The following COBL variants were observed in gnomAD, a reference collection of about 807,000 sequenced individuals.
COBL encodes the protein cordon-bleu WH2 repeat protein, also known as protein cordon-bleu.
Under a neutral mutation model 98.8 loss-of-function variants are expected in COBL, and 51 were observed. That is an observed-to-expected ratio of 0.52 (90% CI 0.41 to 0.65). COBL has a LOEUF of 0.65. Ranked by LOEUF, COBL falls within the 30% of genes least tolerant of loss-of-function variation. The pLI is 0.00. For synonymous variants in COBL, 634 were observed against 651.7 expected (o/e 0.97, Z 0.41); for missense variants, 1,617 against 1,617.5 (o/e 1.00, Z 0.01).
chr7:51,232,905 C>T (rs913214500), intron 1 of COBL, among the ~76,000 whole-genome samples: 4 of 152,142 alleles, frequency 2.6e-5, no homozygotes, highest in Non-Finnish European at 5.9e-5. Flanking sequence ...TGGCCATGAA[C>T]ATCCACATCA....
intron 6 of COBL, among the ~76,000 whole-genome samples, chr7:51,102,045 A>G (rs1795854115): frequency 6.6e-6 from 1 of 152,210 alleles, no homozygotes; most frequent in African/African-American, 2.4e-5. Flanking sequence ...CACAGCAAAA[A>G]AAGAGTTGTC....
At chr7:51,026,468 G>GCCA in intron 11 of COBL, 78 bp downstream of exon 11, 1 of 1,558,184 alleles carries the variant, frequency 6.4e-7, no homozygotes, top group East Asian at 2.3e-5. Context: ...AGCTTCTGCA[G>GCCA]CCACCACCCA....
chr7:51,139,436 A>C (rs1467793648), intron 5 of COBL, among the ~76,000 whole-genome samples: 1 of 152,180 alleles, frequency 6.6e-6, no homozygotes, highest in Non-Finnish European at 1.5e-5. Flanking sequence ...GCTCCTCATG[A>C]GGCCTTCATC....
At chr7:51,081,595 C>T (rs996028527) in intron 7 of COBL, among the ~76,000 whole-genome samples, 1 of 152,160 alleles carries the variant, frequency 6.6e-6, no homozygotes, top group Non-Finnish European at 1.5e-5. Context: ...TGAGTGCCCC[C>T]AACACACAGG....
At chr7:51,052,819 T>C (rs1449401735) in intron 7 of COBL, among the ~76,000 whole-genome samples, 1 of 152,224 alleles carries the variant, frequency 6.6e-6, no homozygotes, top group East Asian at 1.9e-4. Context: ...TTCTATCCTT[T>C]TATCATCAGA....
At chr7:51,280,571 G>T (rs1799732500) in intron 1 of COBL, among the ~76,000 whole-genome samples, 1 of 152,222 alleles carries the variant, frequency 6.6e-6, no homozygotes, top group African/African-American at 2.4e-5. Context: ...CAGGATATGT[G>T]CAGCAAAGCA....
intron 5 of COBL, among the ~76,000 whole-genome samples, chr7:51,151,682 A>T (rs552739255): frequency 6.6e-6 from 1 of 152,370 alleles, no homozygotes; most frequent in East Asian, 1.9e-4. Context: ...AAGCCCTGTA[A>T]TTTCCTGGTC....
At chr7:51,230,071 C>T (rs1267984174) in intron 1 of COBL, among the ~76,000 whole-genome samples, 4 of 152,110 alleles carry the variant, frequency 2.6e-5, no homozygotes, top group South Asian at 2.1e-4. Flanking sequence ...TGGTTGACCT[C>T]GCTCCCCCAG....
At chr7:51,057,457 G>A (rs1368054346) in intron 7 of COBL, among the ~76,000 whole-genome samples, 1 of 152,128 alleles carries the variant, frequency 6.6e-6, no homozygotes, top group Non-Finnish European at 1.5e-5. Context: ...AAATACAGTA[G>A]AGTAGTCAGC....
chr7:51,024,980 G>T, intron 12 of COBL, 129 bp downstream of exon 12: 3 of 1,240,030 alleles, frequency 2.4e-6, no homozygotes, highest in Non-Finnish European at 3.5e-6. Context: ...CAGTGACGCC[G>T]GCTCTCTCTC....
Position 51,085,185 on chromosome 7 carries a change from C to T in COBL, c.1077G>A (p.Glu359=), listed in dbSNP as rs1212808309. 6.2e-7 allele frequency: 1 copy of T among 1,614,002 alleles called. No homozygotes were observed. Residue 359 remains glutamate (E), a synonymous_variant, in exon 7 of 13, where the codon GAG becomes GAA. Transcript: ENST00000265136. ...ACTCACCCATCGTGCTCTTCCTGTT[C>T]TCCTCCTTATCCTCAGTGCGGTTGG... ...LIPNRTEDKE[E]NRKSTMVSLP... is the part of the protein sequence containing the mutation.
At chr7:51,033,058 A>G (rs1346191637) in intron 8 of COBL, 2 of 152,170 alleles carry the variant, frequency 1.3e-5, no homozygotes, top group African/African-American at 4.8e-5. Flanking sequence ...TAATGATATC[A>G]ATAAGAATTA....
intron 6 of COBL, among the ~76,000 whole-genome samples, chr7:51,116,098 T>C (rs1797249413): frequency 6.6e-6 from 1 of 152,104 alleles, no homozygotes; most frequent in South Asian, 2.1e-4. Flanking sequence ...TCTGTCTTTT[T>C]ATTCAAAATA....
intron 1 of COBL, among the ~76,000 whole-genome samples, chr7:51,239,887 T>A (rs958422011): frequency 6.6e-6 from 1 of 152,196 alleles, no homozygotes; most frequent in East Asian, 1.9e-4. Flanking sequence ...AATAGCTACA[T>A]AGTAAACATT....
At chr7:51,272,371 T>A (rs1038904205) in intron 1 of COBL, among the ~76,000 whole-genome samples, 3 of 152,160 alleles carry the variant, frequency 2.0e-5, no homozygotes, top group African/African-American at 4.8e-5. Flanking sequence ...ATAGTGTATG[T>A]TTCATCCCAG....
At chr7:51,193,161 T>C (rs936072323) in intron 3 of COBL, among the ~76,000 whole-genome samples, 1 of 152,198 alleles carries the variant, frequency 6.6e-6, no homozygotes, top group Non-Finnish European at 1.5e-5. Context: ...TTCTATAATA[T>C]ATAAAGAAGC....
chr7:51,250,600 A>T (rs368493133), intron 1 of COBL, among the ~76,000 whole-genome samples: 10 of 152,362 alleles, frequency 6.6e-5, no homozygotes, highest in Non-Finnish European at 8.8e-5. Flanking sequence ...TTTATTGTCC[A>T]GGTACTTTTA....
chr7:51,201,253 A>AG (rs1221016813), intron 2 of COBL, among the ~76,000 whole-genome samples: 2 of 145,800 alleles, frequency 1.4e-5, no homozygotes, highest in African/African-American at 2.8e-5. Flanking sequence ...AAAAAAAAAA[A>AG]AAAGAAAGAA....
chr7:51,218,555 C>T (rs1011054448), intron 2 of COBL, among the ~76,000 whole-genome samples: 1 of 152,164 alleles, frequency 6.6e-6, no homozygotes, highest in African/African-American at 2.4e-5. Flanking sequence ...TTCACTGCAA[C>T]CTCTGTCTCC....
Sources: gnomAD v4.1 joint callset for allele counts (sites outside exome capture counted in the v4.1 genomes callset) on GRCh38, gnomAD v4.1.1 for gene constraint, MANE v1.5 for transcripts, NCBI Gene and HGNC (gene_info 2026-07-23, HGNC 2026-07-21) for gene names.